Variants in INIP observed in about 807,000 individuals in gnomAD.
INIP encodes INTS3 and NABP interacting protein, also known as SOSS complex subunit C.
Under a neutral mutation model 14.0 loss-of-function variants are expected in INIP, and 9 were observed. The ratio of observed to expected loss-of-function variants is 0.64; its 90% confidence interval spans 0.39 to 1.12. The LOEUF is 1.12. Among genes scored for constraint, INIP ranks in the 50% most tolerant of loss-of-function variants. The probability of loss-of-function intolerance (pLI) is 0.01; values close to 1 mark genes in which losing one functional copy is unlikely to be tolerated. For synonymous variants in INIP, 37 were observed against 41.5 expected (o/e 0.89, Z 0.41); for missense variants, 78 against 122.7 (o/e 0.64, Z 1.72).
chr9:112,707,061 G>A (rs897994922), intron 2 of INIP, among the ~76,000 whole-genome samples: 3 of 152,028 alleles, frequency 2.0e-5, no homozygotes, highest in Admixed American at 1.3e-4. Flanking sequence ...GCAAGCATGC[G>A]TAATCATGCC....
At chr9:112,696,674 G>C (rs1267342447) in intron 2 of INIP, among the ~76,000 whole-genome samples, 1 of 152,204 alleles carries the variant, frequency 6.6e-6, no homozygotes, top group East Asian at 1.9e-4. Context: ...GCCTCTGACT[G>C]ACTGGCTGTA....
chr9:112,711,367 ATTCAT>A (rs1287855062), intron 2 of INIP, among the ~76,000 whole-genome samples: 1 of 152,130 alleles, frequency 6.6e-6, no homozygotes, highest in Non-Finnish European at 1.5e-5. Flanking sequence ...GCTAATCTAA[ATTCAT>A]TTCTATTTAG....
At chr9:112,688,592 G>A (rs1050180162) in intron 4 of INIP, among the ~76,000 whole-genome samples, 25 of 152,058 alleles carry the variant, frequency 1.6e-4, no homozygotes, top group African/African-American at 5.6e-4. Context: ...TGACTGAGGT[G>A]GGAGGATCAT....
chr9:112,709,914 T>G (rs537123381), intron 2 of INIP, among the ~76,000 whole-genome samples: 6 of 152,336 alleles, frequency 3.9e-5, no homozygotes, highest in Admixed American at 3.9e-4. Context: ...TCTAATTCAT[T>G]CTCTTTGCCA....
intron 2 of INIP, chr9:112,701,896 A>G (rs1416503181): frequency 6.6e-6 from 1 of 152,218 alleles, no homozygotes; most frequent in African/African-American, 2.4e-5. Context: ...CAAAAAAAAA[A>G]AAAATTTTTT....
At chr9:112,687,873 C>T (rs1387396874) in intron 4 of INIP, among the ~76,000 whole-genome samples, 1 of 152,038 alleles carries the variant, frequency 6.6e-6, no homozygotes, top group Non-Finnish European at 1.5e-5. Context: ...ATCACGAGGT[C>T]AGGAGATCGA....
At chr9:112,696,090 C>A (rs887101246) in intron 2 of INIP, among the ~76,000 whole-genome samples, 5 of 151,568 alleles carry the variant, frequency 3.3e-5, no homozygotes, top group African/African-American at 1.2e-4. Context: ...CAGGATTTCA[C>A]CATGTTGCCC....
intron 2 of INIP, among the ~76,000 whole-genome samples, chr9:112,714,085 GA>G (rs796499959): frequency 5.9e-5 from 9 of 151,878 alleles, no homozygotes; most frequent in African/African-American, 2.2e-4. Context: ...TTTACAAACA[GA>G]AGAATGAATA....
Position 112,694,242 on chromosome 9 carries a change from A to T in INIP, c.26-9T>A, listed in dbSNP as rs1368038062. The T allele has an allele frequency of 2.0e-6, 3 of 1,516,018 alleles. No individual in the cohort carries two copies. 93.9% of individuals were successfully genotyped at this position (1,516,018 alleles called of 1,614,324 possible). ...ATTTTTGTTTTGAAAACCTAAAAAA[A>T]AGAGGGGAATAGGAGAAAAGGGAGA... On this transcript the variant is annotated splice_polypyrimidine_tract_variant and intron_variant, in intron 2 of 4. Coordinates refer to ENST00000374242, the MANE Select transcript of INIP (RefSeq NM_021218.3).
chr9:112,697,885 C>T (rs1261320934), intron 2 of INIP, among the ~76,000 whole-genome samples: 1 of 152,154 alleles, frequency 6.6e-6, no homozygotes, highest in African/African-American at 2.4e-5. Context: ...AAATACCTCC[C>T]AGTCTCATAT....
At chr9:112,688,372 AGTT>A (rs1588069845) in intron 4 of INIP, among the ~76,000 whole-genome samples, 2 of 151,866 alleles carry the variant, frequency 1.3e-5, no homozygotes, top group South Asian at 4.2e-4. Flanking sequence ...GAAGGGTAGT[AGTT>A]GGAAGGAGAG....
At chr9:112,700,527 A>C (rs1838255351) in intron 2 of INIP, among the ~76,000 whole-genome samples, 1 of 138,424 alleles carries the variant, frequency 7.2e-6, no homozygotes, top group African/African-American at 2.9e-5. Flanking sequence ...TATATATAAT[A>C]TATATATATA....
intron 2 of INIP, among the ~76,000 whole-genome samples, chr9:112,714,184 T>A (rs1474276072): frequency 6.6e-6 from 1 of 152,118 alleles, no homozygotes; most frequent in Admixed American, 6.5e-5. Flanking sequence ...TGGATGAATC[T>A]CACAGACAGT....
chr9:112,708,405 A>G (rs1194952928), intron 2 of INIP, among the ~76,000 whole-genome samples: 2 of 152,204 alleles, frequency 1.3e-5, no homozygotes, highest in African/African-American at 2.4e-5. Flanking sequence ...TAGAGATAAT[A>G]AAAGTTTTTA....
chr9:112,686,125 T>C lies in INIP; in HGVS notation c.*1413A>G, dbSNP rs1035298016. The C allele has an allele frequency of 6.6e-6, 1 of 152,126 alleles. No homozygotes were observed. Among genetic ancestry groups the C allele is most frequent in the Non-Finnish European group, 1.5e-5 (1 of 68,012 alleles). 9.4% of individuals were successfully genotyped at this position (152,126 alleles called of 1,614,324 possible). A position where few individuals can be genotyped will look rare whatever the true frequency, so the allele number is the denominator to read the frequency against. On this transcript the variant is annotated 3_prime_UTR_variant, in exon 5 of 5. Transcript: ENST00000374242. The stretch of plus-strand genomic sequence containing the variant: ...GAGAGGATGGGACTCAAGGCCAAGA[T>C]AAGGTCAGTTACAAAAAGTTATATA...
intron 2 of INIP, among the ~76,000 whole-genome samples, chr9:112,715,544 C>T (rs762994137): frequency 5.9e-5 from 9 of 152,106 alleles, no homozygotes; most frequent in East Asian, 1.9e-4. Flanking sequence ...GAGGCCAAGG[C>T]GGGCGGATCA....
chr9:112,700,046 A>G (rs1444629862), intron 2 of INIP, among the ~76,000 whole-genome samples: 1 of 152,186 alleles, frequency 6.6e-6, no homozygotes, highest in Non-Finnish European at 1.5e-5. Context: ...ACATGAAATA[A>G]AAAATATTTA....
chr9:112,699,575 A>G (rs1032779671), intron 2 of INIP, among the ~76,000 whole-genome samples: 2 of 152,152 alleles, frequency 1.3e-5, no homozygotes, highest in African/African-American at 4.8e-5. Flanking sequence ...TTATAAATTA[A>G]ACTTTATCGT....
rs1402176184 is a variant in INIP, at chr9:112,684,095, T to C, written c.*3443A>G. 6.6e-6 allele frequency: 1 copy of C among 152,096 alleles called. No homozygotes were observed. Among genetic ancestry groups the C allele is most frequent in the African/African-American group, 2.4e-5 (1 of 41,404 alleles). 9.4% of individuals were successfully genotyped at this position (152,096 alleles called of 1,614,324 possible). A position where few individuals can be genotyped will look rare whatever the true frequency, so the allele number is the denominator to read the frequency against. The stretch of plus-strand genomic sequence containing the variant: ...TAAATTCTTTCATTCCTTCAACATA[T>C]TGAACACCTACTATATGCCAAATAT... On this transcript the variant is annotated 3_prime_UTR_variant, in exon 5 of 5. Transcript: ENST00000374242.
Sources: allele counts gnomAD v4.1 joint callset (sites outside exome capture counted in the v4.1 genomes callset), GRCh38; gene constraint gnomAD v4.1.1; transcripts MANE v1.5; gene names NCBI Gene and HGNC (gene_info 2026-07-23, HGNC 2026-07-21).